Variants in GGA3 observed in about 807,000 individuals in gnomAD.
The protein encoded by GGA3 is golgi associated, gamma adaptin ear containing, ARF binding protein 3, also known as ADP-ribosylation factor-binding protein GGA3.
A neutral mutation model predicts 77.5 loss-of-function variants in GGA3; 57 were observed. The ratio of observed to expected loss-of-function variants is 0.74; its 90% CI spans 0.59 to 0.92. The LOEUF is 0.92. Ranked by LOEUF, GGA3 falls within the 40% of genes least tolerant of loss-of-function variation. The probability of loss-of-function intolerance (pLI) is 0.00; values close to 1 mark genes in which losing one functional copy is unlikely to be tolerated. For missense variants in GGA3, 970 were observed against 914.9 expected, an observed-to-expected ratio of 1.06 and a Z score of -0.78; for synonymous variants, 416 against 383.7, an observed-to-expected ratio of 1.08 and a Z score of -0.98.
Position 75,241,050 on chromosome 17 carries a change from A to C in GGA3, c.954T>G (p.Ser318Arg). 6.2e-7 allele frequency: 1 copy of C among 1,614,010 alleles called. No homozygotes were observed. The highest frequency in any genetic ancestry group is 8.5e-7 in the Non-Finnish European group (1 of 1,179,986). The change falls in exon 11 of 17, where the codon AGT (serine) becomes AGG (arginine). Residue 318 changes from serine to arginine, a missense_variant. Coordinates refer to ENST00000537686, the MANE Select transcript of GGA3 (RefSeq NM_138619.4). ...TGAGCGTGCCTTGGTTACTGCACTG[A>C]CTGTTTCCTGGATGGGTCAACAGAG... The part of the protein sequence containing the change: ...TLTLPDSEGN[S>R]QCSNQGTLID...
At position 75,242,855 on chromosome 17, in the gene GGA3, C is replaced by G. The variant is rs770949971; in HGVS notation, c.585G>C (p.Lys195Asn). The G allele has an allele frequency of 6.2e-7, 1 of 1,613,950 alleles. No individual in the cohort carries two copies. The highest frequency in any genetic ancestry group is 2.2e-5 in the East Asian group (1 of 44,876). ...CTTCCTTCACCATGGACTTGATGAG[C>G]TTGTTGGCCTCCTGCAGGTCATCTG... ...KNPDDLQEAN[K>N]LIKSMVKEDE... is the part of the protein sequence containing the mutation. Residue 195 changes from lysine to asparagine, a missense_variant, in exon 7 of 17, where the codon AAG becomes AAC. Coordinates refer to ENST00000537686, the MANE Select transcript of GGA3 (RefSeq NM_138619.4).
rs766349414 is a variant in GGA3, at chr17:75,239,494, G to C, written c.1661C>G (p.Ser554Cys). The C allele has an allele frequency of 2.5e-6, 4 of 1,575,844 alleles. No homozygotes were observed. Among genetic ancestry groups the C allele is most frequent in the South Asian group, 1.2e-5 (1 of 85,818 alleles). Reference sequence around the variant, plus strand: ...GAAGAGCGGGCTGCCGGGCCCCGTGGAGAAGGGCAGGAGGGGCCTGGCTGG... The same window carrying C: ...GAAGAGCGGGCTGCCGGGCCCCGTGCAGAAGGGCAGGAGGGGCCTGGCTGG... ...TTPARPLLPFSTGPGSPLFQP... is the reference protein window; with the variant it reads ...TTPARPLLPFCTGPGSPLFQP... Residue 554 changes from serine (S) to cysteine (C), a missense_variant, in exon 14 of 17, where the codon TCC becomes TGC. Ser to Cys is a moderately radical substitution (Grantham distance 112). Transcript: ENST00000537686.
chr17:75,258,290 T>A (rs1403363117), intron 1 of GGA3, among the ~76,000 whole-genome samples: 5 of 152,090 alleles, frequency 3.3e-5, no homozygotes, highest in African/African-American at 1.2e-4. Flanking sequence ...GAAACCTATA[T>A]CAAATCAAGC....
Position 75,237,919 on chromosome 17 carries a change from C to CCACCCCT in GGA3, c.*359_*360insAGGGGTG. ...CATGACAGTCTCTCTTTAGAGACTC[C>CCACCCCT]CACCCCCCACCCCCCACCCCAGTGG... On this transcript the variant is annotated 3_prime_UTR_variant, in exon 17 of 17. Transcript: ENST00000537686. 1.8e-6 allele frequency: 1 copy of CCACCCCT among 548,566 alleles called. No individual in the cohort carries two copies. The highest frequency in any genetic ancestry group is 2.5e-6 in the Non-Finnish European group (1 of 404,490). 34.0% of individuals were successfully genotyped at this position (548,566 alleles called of 1,614,324 possible).
chr17:75,258,378 T>C (rs1352099167), intron 1 of GGA3, among the ~76,000 whole-genome samples: 2 of 152,146 alleles, frequency 1.3e-5, no homozygotes, highest in Non-Finnish European at 2.9e-5. Context: ...TTTAAACTTC[T>C]TCGGCTGGGC....
intron 14 of GGA3, 107 bp from the exon 15 acceptor site, chr17:75,239,190 C>T (rs2145477577): frequency 9.1e-7 from 1 of 1,100,310 alleles, no homozygotes; most frequent in Non-Finnish European, 1.3e-6. Context: ...GAGTCCAGTG[C>T]TTCCTAACGG....
Position 75,238,970 on chromosome 17 carries a change from G to A in GGA3, c.1894C>T (p.Leu632=), listed in dbSNP as rs938705056. 6.8e-6 allele frequency: 11 copies of A among 1,614,148 alleles called. No individual in the cohort carries two copies. The highest frequency in any genetic ancestry group is 8.5e-6 in the Non-Finnish European group (10 of 1,180,028). ...PDVLVVVVSM[L]NTAPLPVKSI... is the part of the protein sequence containing the mutation. ...TTGACAGGTAAGGGAGCCGTGTTCA[G>A]CATGGACACCACCACCACCAGCACG... Residue 632 remains leucine, a synonymous_variant, in exon 15 of 17, where the codon CTG becomes TTG. Coordinates refer to ENST00000537686, the MANE Select transcript of GGA3 (RefSeq NM_138619.4).
chr17:75,240,785 G>T (rs1567781298), intron 11 of GGA3, 27 bp downstream of exon 11: 1 of 1,584,830 alleles, frequency 6.3e-7, no homozygotes, highest in East Asian at 2.2e-5. Flanking sequence ...GTCAGGGGAT[G>T]CCCCTGACGC....
Position 75,238,163 on chromosome 17 carries a change from C to A in GGA3, c.*116G>T. On this transcript the variant is annotated 3_prime_UTR_variant, in exon 17 of 17. Coordinates refer to ENST00000537686, the MANE Select transcript of GGA3 (RefSeq NM_138619.4). ...AGCAGAAATGCCCAGGGCCCCTGTT[C>A]CACATCAAAGCTACAAGCACTGTTG... 1 of 1,493,258 alleles carries A rather than the reference C, an allele frequency of 6.7e-7. No individual in the cohort carries two copies. The highest frequency in any genetic ancestry group is 8.9e-7 in the Non-Finnish European group (1 of 1,123,398). The allele number at this position is 1,493,258 out of a possible 1,614,324, so 92.5% of individuals were successfully genotyped here.
chr17:75,254,261 T>C (rs372918136), intron 1 of GGA3, among the ~76,000 whole-genome samples: 11 of 152,090 alleles, frequency 7.2e-5, no homozygotes, highest in South Asian at 6.2e-4. Flanking sequence ...GTCCCAATTC[T>C]TCCTCAGCCT....
chr17:75,241,299 T>C (rs2076546528), intron 10 of GGA3, 101 bp downstream of exon 10: 4 of 837,042 alleles, frequency 4.8e-6, no homozygotes, highest in Admixed American at 2.1e-5. Flanking sequence ...CCTTGGGCCT[T>C]GTGCAACACC....
intron 3 of GGA3, among the ~76,000 whole-genome samples, chr17:75,245,784 G>A (rs7216633): frequency 0.12 from 17,727 of 152,196 alleles, 2,962 homozygotes; most frequent in African/African-American, 0.36. Flanking sequence ...GGCCCCACAG[G>A]GTGCTGGGAC....
rs775226192 is a variant in GGA3 at position 75,240,109 on chromosome 17, CTA to C, written c.1264-3_1264-2del. 1.9e-4 allele frequency: 225 copies of C among 1,206,132 alleles called. No homozygotes were observed. The highest frequency in any genetic ancestry group is 2.4e-4 in the Non-Finnish European group (219 of 902,798). 74.7% of individuals were successfully genotyped at this position (1,206,132 alleles called of 1,614,324 possible). On this transcript the variant is annotated splice_acceptor_variant and splice_polypyrimidine_tract_variant and intron_variant, in intron 12 of 16. Coordinates refer to ENST00000537686, the MANE Select transcript of GGA3 (RefSeq NM_138619.4). LOFTEE classifies it high-confidence loss of function. ...AGAAGTCCAGGTCGGACTGTTCCCT[CTA>C]TGAACAACAGAAAGGGTGGTGAGCC...
chr17:75,259,940 G>A (rs994824644), intron 1 of GGA3, among the ~76,000 whole-genome samples: 3 of 152,106 alleles, frequency 2.0e-5, no homozygotes, highest in South Asian at 4.1e-4. Context: ...ACTTGAACTC[G>A]AGTTTGAGAC....
At chr17:75,254,911 G>A (rs1247377211) in intron 1 of GGA3, among the ~76,000 whole-genome samples, 2 of 151,996 alleles carry the variant, frequency 1.3e-5, no homozygotes, top group Non-Finnish European at 1.5e-5. Context: ...CCTCCTAAGC[G>A]AGTCCCATCT....
At position 75,241,596 on chromosome 17, in the gene GGA3, C is replaced by T. The variant is rs1460887452; in HGVS notation, c.829+19G>A. 1 of 1,612,144 alleles carries T rather than the reference C, an allele frequency of 6.2e-7. No homozygotes were observed. The highest frequency in any genetic ancestry group is 1.7e-5 in the Admixed American group (1 of 60,018). ...ATCCAAATGCCTGGCTTATCCCTGA[C>T]CGTCGCTCTTTCACTCACCCAAACT... On this transcript the variant is annotated intron_variant, in intron 9 of 16. Coordinates refer to ENST00000537686, the MANE Select transcript of GGA3 (RefSeq NM_138619.4).
At position 75,237,419 on chromosome 17, in the gene GGA3, T is replaced by A. The variant is rs112636593; in HGVS notation, c.*860A>T. ...AAAGCAGTAGGATGTAGAGTGGCGG[T>A]AGATTCCAAGGGGAGGATAGCAGTT... On this transcript the variant is annotated 3_prime_UTR_variant, in exon 17 of 17. Coordinates refer to ENST00000537686, the MANE Select transcript of GGA3 (RefSeq NM_138619.4). 3 of 1,415,544 alleles carry A rather than the reference T, an allele frequency of 2.1e-6. No homozygotes were observed. The highest frequency in any genetic ancestry group is 2.9e-6 in the Non-Finnish European group (3 of 1,037,016). 87.7% of individuals were successfully genotyped at this position (1,415,544 alleles called of 1,614,324 possible).
chr17:75,250,008 G>T (rs2145558736), intron 1 of GGA3, among the ~76,000 whole-genome samples: 1 of 152,304 alleles, frequency 6.6e-6, no homozygotes, highest in South Asian at 2.1e-4. Flanking sequence ...AAAAGCCCTA[G>T]TTTCTGCAAT....
chr17:75,261,843 C>G (rs530389085), upstream of GGA3: 7 of 1,554,076 alleles, frequency 4.5e-6, no homozygotes, highest in South Asian at 3.4e-5. Context: ...ACCCGTTTCC[C>G]GTCACTCGCT....
Sources: gnomAD v4.1 joint callset for allele counts (sites outside exome capture counted in the v4.1 genomes callset) on GRCh38, gnomAD v4.1.1 for gene constraint, MANE v1.5 for transcripts, NCBI Gene and HGNC (gene_info 2026-07-23, HGNC 2026-07-21) for gene names.